Variants in SH3GL2 observed in about 807,000 individuals in gnomAD.
The protein encoded by SH3GL2 is endophilin-A1.
A neutral mutation model predicts 46.0 loss-of-function variants in SH3GL2; 24 were observed. That is an observed-to-expected ratio of 0.52 (90% confidence interval 0.38 to 0.73). SH3GL2 has a LOEUF of 0.73. Among genes scored for constraint, SH3GL2 ranks in the 30% least tolerant of loss-of-function variants. SH3GL2 has a pLI of 0.00. For missense variants in SH3GL2, 413 were observed against 424.2 expected, an observed-to-expected ratio of 0.97 and a Z score of 0.23; for synonymous variants, 196 against 147.1, an observed-to-expected ratio of 1.33 and a Z score of -2.40.
chr9:17,769,091 A>C (rs545333303), intron 3 of SH3GL2, among the ~76,000 whole-genome samples: 5 of 152,282 alleles, frequency 3.3e-5, no homozygotes, highest in African/African-American at 9.6e-5. Context: ...CTCTGCTCAA[A>C]TGTCACCTAA....
At chr9:17,685,738 G>A (rs1820886422) in intron 1 of SH3GL2, among the ~76,000 whole-genome samples, 1 of 151,880 alleles carries the variant, frequency 6.6e-6, no homozygotes, top group African/African-American at 2.4e-5. Flanking sequence ...TCTCAGGTTT[G>A]TCAAAGATCA....
intron 5 of SH3GL2, 43 bp downstream of exon 5, chr9:17,787,556 T>G: frequency 6.4e-7 from 1 of 1,554,600 alleles, no homozygotes; most frequent in Non-Finnish European, 8.8e-7. Context: ...GTTGAAATCA[T>G]ACAGATGCAG....
At chr9:17,771,528 G>C (rs1233801692) in intron 3 of SH3GL2, among the ~76,000 whole-genome samples, 2 of 152,162 alleles carry the variant, frequency 1.3e-5, no homozygotes, top group African/African-American at 4.8e-5. Flanking sequence ...CCCTCTATTT[G>C]CTCTGAAAAC....
At chr9:17,665,545 G>T (rs1027017305) in intron 1 of SH3GL2, among the ~76,000 whole-genome samples, 6 of 151,938 alleles carry the variant, frequency 3.9e-5, no homozygotes, top group African/African-American at 1.5e-4. Flanking sequence ...TGTCCTCTTG[G>T]ATTCTCATAC....
At chr9:17,697,549 C>T (rs144749777) in intron 1 of SH3GL2, among the ~76,000 whole-genome samples, 2 of 152,164 alleles carry the variant, frequency 1.3e-5, no homozygotes. Flanking sequence ...CAGGTCCAGT[C>T]AGAGTAGTGG....
At chr9:17,775,580 T>C (rs1434965788) in intron 3 of SH3GL2, among the ~76,000 whole-genome samples, 2 of 152,208 alleles carry the variant, frequency 1.3e-5, no homozygotes, top group African/African-American at 4.8e-5. Flanking sequence ...CTGGACCAGA[T>C]AGTAGCAATT....
chr9:17,606,548 A>G (rs1818765264), intron 1 of SH3GL2, among the ~76,000 whole-genome samples: 1 of 152,178 alleles, frequency 6.6e-6, no homozygotes. Context: ...TCGATGGTCC[A>G]TGGCTGTACC....
chr9:17,699,408 A>G (rs986542942), intron 1 of SH3GL2, among the ~76,000 whole-genome samples: 1 of 152,210 alleles, frequency 6.6e-6, no homozygotes, highest in Admixed American at 6.5e-5. Context: ...CCAGACTGAC[A>G]GGAATTTCAA....
intron 1 of SH3GL2, among the ~76,000 whole-genome samples, chr9:17,678,720 G>C (rs1226789876): frequency 6.6e-6 from 1 of 152,162 alleles, no homozygotes; most frequent in African/African-American, 2.4e-5. Flanking sequence ...CCCATGTCCT[G>C]AATGGTAAAG....
intron 3 of SH3GL2, among the ~76,000 whole-genome samples, chr9:17,783,230 G>A (rs139483008): frequency 2.0e-5 from 3 of 152,140 alleles, no homozygotes; most frequent in African/African-American, 4.8e-5. Flanking sequence ...AGCTATGTCT[G>A]TATGTGCTCA....
At chr9:17,710,984 A>T (rs1821607266) in intron 1 of SH3GL2, among the ~76,000 whole-genome samples, 1 of 152,012 alleles carries the variant, frequency 6.6e-6, no homozygotes, top group Non-Finnish European at 1.5e-5. Context: ...ATGATTGTGC[A>T]CATTCATTCT....
chr9:17,707,221 G>C (rs1468561996), intron 1 of SH3GL2, among the ~76,000 whole-genome samples: 1 of 152,006 alleles, frequency 6.6e-6, no homozygotes, highest in African/African-American at 2.4e-5. Flanking sequence ...GGTCTCATTA[G>C]AGAATTAAAT....
At chr9:17,654,177 C>G (rs544316793) in intron 1 of SH3GL2, among the ~76,000 whole-genome samples, 51 of 152,286 alleles carry the variant, frequency 3.3e-4, no homozygotes, top group Non-Finnish European at 4.0e-4. Context: ...ATTGGAAAAA[C>G]TGATACTTTG....
At chr9:17,701,041 G>A (rs1821332393) in intron 1 of SH3GL2, among the ~76,000 whole-genome samples, 1 of 152,078 alleles carries the variant, frequency 6.6e-6, no homozygotes, top group East Asian at 1.9e-4. Flanking sequence ...ATCCCAATTG[G>A]TAAAATGAAC....
At chr9:17,743,772 CTATATT>C (rs1563836017) in intron 1 of SH3GL2, among the ~76,000 whole-genome samples, 2 of 152,140 alleles carry the variant, frequency 1.3e-5, no homozygotes, top group African/African-American at 4.8e-5. Flanking sequence ...TAAAATCACT[CTATATT>C]TAACAGTATA....
chr9:17,666,724 G>C (rs1321057720), intron 1 of SH3GL2, among the ~76,000 whole-genome samples: 1 of 152,054 alleles, frequency 6.6e-6, no homozygotes, highest in Non-Finnish European at 1.5e-5. Context: ...GGATAACCTA[G>C]TGTATATATA....
intron 1 of SH3GL2, among the ~76,000 whole-genome samples, chr9:17,637,377 G>T (rs1254427015): frequency 6.6e-6 from 1 of 152,026 alleles, no homozygotes; most frequent in East Asian, 1.9e-4. Context: ...TAGAACTCTG[G>T]GGACATTGAA....
At chr9:17,700,343 G>A (rs1821316510) in intron 1 of SH3GL2, among the ~76,000 whole-genome samples, 1 of 152,126 alleles carries the variant, frequency 6.6e-6, no homozygotes, top group Admixed American at 6.5e-5. Flanking sequence ...TGTCGTGTAT[G>A]TAGGATTTAC....
At chr9:17,626,036 C>G (rs1819272241) in intron 1 of SH3GL2, among the ~76,000 whole-genome samples, 3 of 152,176 alleles carry the variant, frequency 2.0e-5, no homozygotes, top group Admixed American at 6.5e-5. Context: ...CTCATCTTCC[C>G]TACCTGAGCT....
Sources: gnomAD v4.1 joint callset for allele counts (sites outside exome capture counted in the v4.1 genomes callset) on GRCh38, gnomAD v4.1.1 for gene constraint, MANE v1.5 for transcripts, NCBI Gene and HGNC (gene_info 2026-07-23, HGNC 2026-07-21) for gene names.